The following DCHS2 variants were observed in gnomAD, a reference collection of about 807,000 sequenced individuals.
DCHS2 encodes dachsous cadherin-related 2, also known as protocadherin-23.
In DCHS2, 142 loss-of-function variants were observed where a neutral mutation model predicts 182.4. The observed-to-expected ratio is 0.78, with a 90% CI of 0.68 to 0.89. The LOEUF (loss-of-function observed/expected upper bound fraction) is 0.89. DCHS2 is among the 40% of genes least tolerant of loss of function. DCHS2 has a pLI of 0.00. For missense variants in DCHS2, 4,319 were observed against 4,198.6 expected, an observed-to-expected ratio of 1.03 and a Z score of -0.79; for synonymous variants, 1,740 against 1,663.3, an observed-to-expected ratio of 1.05 and a Z score of -1.12.
At chr4:154,440,419 C>G (rs142846508) in intron 1 of DCHS2, among the ~76,000 whole-genome samples, 204 of 152,278 alleles carry the variant, frequency 1.3e-3, no homozygotes, top group Admixed American at 2.6e-3. Flanking sequence ...ATTCTTCTAT[C>G]AGCGATTCTC....
rs778129356 is a variant in DCHS2, at chr4:154,236,951, C to T, written c.7701G>A (p.Thr2567=). The part of the protein sequence containing the change: ...SLSEDALVGS[T]LVTFSNIDHD... ...GGTCGATGTTTGAAAATGTAACAAG[C>T]GTGCTTCCAACCAGAGCATCCTCAC... Residue 2567 remains threonine, a synonymous_variant, in exon 20 of 20, where the codon ACG becomes ACA. Transcript: ENST00000357232. 34 of 1,613,892 alleles carry T rather than the reference C, an allele frequency of 2.1e-5. No homozygotes were observed. Among genetic ancestry groups the T allele is most frequent in the Admixed American group, 1.3e-4 (8 of 60,002 alleles).
Position 154,491,255 on chromosome 4 carries a change from C to G in DCHS2, c.101G>C (p.Gly34Ala), listed in dbSNP as rs1176119776. 1.3e-6 allele frequency: 2 copies of G among 1,551,220 alleles called. No individual in the cohort carries two copies. Among genetic ancestry groups the G allele is most frequent in the African/African-American group, 1.4e-5 (1 of 73,030 alleles). Residue 34 changes from glycine to alanine, a missense_variant, in exon 1 of 20, where the codon GGG becomes GCG. Gly to Ala is a moderately conservative substitution (Grantham distance 60, BLOSUM62 0). Coordinates refer to ENST00000357232, the MANE Select transcript of DCHS2 (RefSeq NM_001358235.2). ...CCTGGCGCCGCTGCTGCCTGACCGC[C>G]CATGGGGTGTATCTCTCCTCCCGGG... ...LLPGRRDTPH[G>A]RSGSSGARTQ...
intron 1 of DCHS2, among the ~76,000 whole-genome samples, chr4:154,433,230 C>G (rs958858049): frequency 1.3e-5 from 2 of 151,910 alleles, no homozygotes; most frequent in Non-Finnish European, 2.9e-5. Flanking sequence ...AGCCACAAGC[C>G]AAGGAGGGAG....
rs1728803535 is a variant in DCHS2 at position 154,490,878 on chromosome 4, C to T, written c.478G>A (p.Val160Met). The T allele has an allele frequency of 6.4e-7, 1 of 1,551,486 alleles. No individual in the cohort carries two copies. Among genetic ancestry groups the T allele is most frequent in the Non-Finnish European group, 8.7e-7 (1 of 1,146,928 alleles). The change falls in exon 1 of 20, where the codon GTG becomes ATG. Residue 160 changes from valine (V) to methionine (M), a missense_variant. Val to Met is a conservative substitution (Grantham distance 21). Coordinates refer to ENST00000357232, the MANE Select transcript of DCHS2 (RefSeq NM_001358235.2). The part of the protein sequence containing the change: ...VVQVEIRVND[V>M]NDHSPRFPLD... ...GGAAAGCGGGGCGAGTGGTCATTCACGTCGTTGACGCGAATCTCCACCTGC... is the reference window on the plus strand; with the variant it reads ...GGAAAGCGGGGCGAGTGGTCATTCATGTCGTTGACGCGAATCTCCACCTGC...
At chr4:154,410,330 G>A (rs1375404155) in intron 1 of DCHS2, among the ~76,000 whole-genome samples, 1 of 151,166 alleles carries the variant, frequency 6.6e-6, no homozygotes, top group Non-Finnish European at 1.5e-5. Context: ...TCATACAAAA[G>A]AACCAAGCAG....
At chr4:154,446,436 A>G (rs967089764) in intron 1 of DCHS2, among the ~76,000 whole-genome samples, 3 of 152,254 alleles carry the variant, frequency 2.0e-5, no homozygotes, top group African/African-American at 7.2e-5. Flanking sequence ...TTTCACTGAC[A>G]GACAGATTAT....
At chr4:154,437,819 A>T (rs1024643319) in intron 1 of DCHS2, among the ~76,000 whole-genome samples, 1 of 152,194 alleles carries the variant, frequency 6.6e-6, no homozygotes, top group Non-Finnish European at 1.5e-5. Context: ...ACTATTCCAA[A>T]AATTCTTTTT....
intron 3 of DCHS2, among the ~76,000 whole-genome samples, chr4:154,358,461 ACT>A (rs1729972935): frequency 1.3e-5 from 2 of 152,262 alleles, no homozygotes; most frequent in African/African-American, 4.8e-5. Context: ...TGAGACAGTG[ACT>A]CTGTGGCCTA....
rs143904881 is a variant in DCHS2 at position 154,253,800 on chromosome 4, T to C, written c.6941+1719A>G. 8.0e-3 allele frequency among the ~76,000 whole-genome samples: 1,222 copies of C among 152,340 alleles called. 11 individuals carry two copies. Among genetic ancestry groups the C allele is most frequent in the African/African-American group, 0.028 (1,171 of 41,582 alleles). On this transcript the variant is annotated intron_variant, in intron 16 of 19. Transcript: ENST00000357232. ...TTTCCAGAGGGTAATTAATCCAATA[T>C]AGCCAGTAAGATATTCCAGTTTAAT...
At chr4:154,421,240 G>A (rs1351529092) in intron 1 of DCHS2, among the ~76,000 whole-genome samples, 1 of 152,058 alleles carries the variant, frequency 6.6e-6, no homozygotes, top group Non-Finnish European at 1.5e-5. Context: ...GTAGCATATT[G>A]CCTAACAAAA....
intron 1 of DCHS2, among the ~76,000 whole-genome samples, chr4:154,392,756 T>C (rs1217164956): frequency 2.6e-5 from 4 of 152,222 alleles, no homozygotes; most frequent in Non-Finnish European, 4.4e-5. Context: ...GTAAACATAC[T>C]ATTTAGGGGA....
At position 154,302,115 on chromosome 4, in the gene DCHS2, C is replaced by T. The variant is rs538734388; in HGVS notation, c.5605+2554G>A. Reference sequence around the variant, plus strand: ...ATATTTTAAGCATAAAAGTCCATTACGTTATGGTAAAATTCTGCAAGGATG... The same window carrying T: ...ATATTTTAAGCATAAAAGTCCATTATGTTATGGTAAAATTCTGCAAGGATG... On this transcript the variant is annotated intron_variant, in intron 12 of 19. Coordinates refer to ENST00000357232, the MANE Select transcript of DCHS2 (RefSeq NM_001358235.2). Among the ~76,000 whole-genome samples, 7 of 151,990 alleles carry T rather than the reference C, an allele frequency of 4.6e-5. No homozygotes were observed. In the South Asian group the frequency reaches 6.2e-4, roughly 14 times the overall value.
chr4:154,238,593 G>A (rs1297665161), intron 19 of DCHS2, among the ~76,000 whole-genome samples: 2 of 152,156 alleles, frequency 1.3e-5, no homozygotes, highest in Non-Finnish European at 2.9e-5. Context: ...TCACAACCAC[G>A]AATGTCTTGG....
At chr4:154,291,233 C>G (rs764928844) in intron 13 of DCHS2, among the ~76,000 whole-genome samples, 2 of 151,856 alleles carry the variant, frequency 1.3e-5, no homozygotes, top group Non-Finnish European at 1.5e-5. Context: ...CAAAAAACTA[C>G]AGTGAAATAT....
intron 13 of DCHS2, among the ~76,000 whole-genome samples, chr4:154,280,315 T>C (rs1734072450): frequency 1.3e-5 from 2 of 152,134 alleles, no homozygotes; most frequent in South Asian, 4.1e-4. Context: ...TTAATGTCAA[T>C]TCTTCTTAAA....
In DCHS2 at chr4:154,370,232, T is replaced by C. The variant is rs144780126; in HGVS notation, c.2245-3791A>G. Among the ~76,000 whole-genome samples the C allele has an allele frequency of 2.6e-3, 402 of 152,220 alleles. 1 individual carries two copies. The highest frequency in any genetic ancestry group is 8.8e-3 in the African/African-American group (367 of 41,526). The stretch of plus-strand genomic sequence containing the variant: ...CATCTAAAGAATATTTTCAAATTCA[T>C]TGAGAGGATGAATCAGATAAAAATA... On this transcript the variant is annotated intron_variant, in intron 2 of 19. Transcript: ENST00000357232.
intron 1 of DCHS2, among the ~76,000 whole-genome samples, chr4:154,413,797 G>A (rs183354019): frequency 1.2e-3 from 189 of 152,226 alleles, no homozygotes; most frequent in Non-Finnish European, 2.5e-3. Context: ...CCACTTTAGG[G>A]TTTACTTCTG....
rs777834193 is a variant in DCHS2 at position 154,242,642 on chromosome 4, C to A, written c.7072G>T (p.Asp2358Tyr). 7 of 1,608,400 alleles carry A rather than the reference C, an allele frequency of 4.4e-6. No homozygotes were observed. The Admixed American group carries it at 1.0e-4, about 24-fold the overall frequency. ...CACTATGCCAAATTGTCACACTTAC[C>A]TTCTGTAATTTCCACTGCTTCAGAG... ...LPSEAVEITE[D>Y]SLPGVIVTHV... The change falls in exon 17 of 20, where the codon GAT (aspartate) becomes TAT (tyrosine). Residue 2358 changes from aspartate (D) to tyrosine (Y), a missense_variant and splice_region_variant. Asp to Tyr is a radical substitution (Grantham distance 160). Coordinates refer to ENST00000357232, the MANE Select transcript of DCHS2 (RefSeq NM_001358235.2).
intron 17 of DCHS2, among the ~76,000 whole-genome samples, chr4:154,242,287 A>G (rs371785977): frequency 1.3e-5 from 2 of 152,200 alleles, no homozygotes; most frequent in African/African-American, 4.8e-5. Flanking sequence ...AAAGACTGAC[A>G]GAGTTATGAA....
Sources: allele counts gnomAD v4.1 joint callset (sites outside exome capture counted in the v4.1 genomes callset), GRCh38; gene constraint gnomAD v4.1.1; transcripts MANE v1.5; gene names NCBI Gene and HGNC (gene_info 2026-07-23, HGNC 2026-07-21).